SGCZ: variants seen among roughly 807,000 people sequenced by gnomAD.
SGCZ encodes the protein zeta-sarcoglycan.
SGCZ carries 40 observed loss-of-function variants against 41.3 expected under a neutral mutation model. The ratio of observed to expected loss-of-function variants is 0.97; its 90% CI spans 0.75 to 1.26. The LOEUF (loss-of-function observed/expected upper bound fraction) is 1.26. Ranked by LOEUF, SGCZ falls within the 50% of genes most tolerant of loss-of-function variation. The pLI is 0.00. For synonymous variants in SGCZ, 206 were observed against 137.5 expected (o/e 1.50, Z -3.49); for missense variants, 552 against 369.8 (o/e 1.49, Z -4.04).
chr8:14,815,406 A>G (rs1159555188), intron 1 of SGCZ, among the ~76,000 whole-genome samples: 1 of 149,888 alleles, frequency 6.7e-6, no homozygotes, highest in African/African-American at 2.5e-5. Flanking sequence ...CATGTGGTTC[A>G]TAACTACTTA....
chr8:14,098,835 G>A (rs928599644), intron 7 of SGCZ, among the ~76,000 whole-genome samples: 39 of 152,096 alleles, frequency 2.6e-4, no homozygotes, highest in African/African-American at 9.4e-4. Context: ...CATGAGCTAT[G>A]GAGGCCTCAT....
chr8:14,473,869 CAG>C (rs1357790303), intron 2 of SGCZ, among the ~76,000 whole-genome samples: 10 of 148,846 alleles, frequency 6.7e-5, no homozygotes, highest in Admixed American at 2.0e-4. Flanking sequence ...ACTCAGGAGA[CAG>C]AGCTTGCAGT....
At chr8:14,768,936 T>C (rs1361937803) in intron 1 of SGCZ, among the ~76,000 whole-genome samples, 1 of 152,036 alleles carries the variant, frequency 6.6e-6, no homozygotes, top group Non-Finnish European at 1.5e-5. Flanking sequence ...ACTGGCAGCA[T>C]TATAGATCTT....
chr8:14,429,071 T>C (rs143914972), intron 2 of SGCZ, among the ~76,000 whole-genome samples: 6 of 152,342 alleles, frequency 3.9e-5, no homozygotes, highest in African/African-American at 9.6e-5. Flanking sequence ...AACTTGGCAC[T>C]GAAGAAACTT....
chr8:14,309,819 C>T, intron 3 of SGCZ: 2 of 1,372,208 alleles, frequency 1.5e-6, no homozygotes, highest in South Asian at 1.4e-5. Flanking sequence ...AGAGAAGTCT[C>T]ATTCGCCTTT....
intron 5 of SGCZ, among the ~76,000 whole-genome samples, chr8:14,114,398 G>A (rs1218456575): frequency 6.6e-6 from 1 of 151,886 alleles, no homozygotes; most frequent in Non-Finnish European, 1.5e-5. Flanking sequence ...TAGTGAAACA[G>A]GGAAATAACA....
intron 2 of SGCZ, among the ~76,000 whole-genome samples, chr8:14,407,170 G>T (rs750783001): frequency 2.7e-5 from 4 of 146,618 alleles, no homozygotes; most frequent in African/African-American, 7.6e-5. Flanking sequence ...CTGGGTTCAA[G>T]CTATTCTCCT....
rs952028304 is a variant in SGCZ at position 15,237,725 on chromosome 8, GC to G, written c.-103del. 2.7e-5 allele frequency: 34 copies of G among 1,253,924 alleles called. No homozygotes were observed. The African/African-American group carries it at 4.9e-4, about 18-fold the overall frequency. The allele number at this position is 1,253,924 out of a possible 1,614,324, so 77.7% of individuals were successfully genotyped here. A position where few individuals can be genotyped will look rare whatever the true frequency, so the allele number is the denominator to read the frequency against. ...TAAACTCAGCTTTATCCTCCTCCAA[GC>G]CCCGGCAGCTCCTCTCAGTCTCATT... On this transcript the variant is annotated 5_prime_UTR_variant, in exon 1 of 8. It introduces an in-frame stop codon into an upstream open reading frame of the 5' UTR. Transcript: ENST00000382080.
At chr8:15,018,945 G>A (rs762919925) in intron 1 of SGCZ, among the ~76,000 whole-genome samples, 2 of 152,196 alleles carry the variant, frequency 1.3e-5, no homozygotes, top group Non-Finnish European at 2.9e-5. Flanking sequence ...ATCACAGAAG[G>A]TGAAGAGGAA....
intron 2 of SGCZ, among the ~76,000 whole-genome samples, chr8:14,349,924 G>A (rs973112068): frequency 3.9e-5 from 6 of 152,072 alleles, no homozygotes; most frequent in African/African-American, 1.2e-4. Context: ...CAGGAAAGTC[G>A]TGTAGCTTTA....
At chr8:14,487,346 T>A (rs1194389154) in intron 2 of SGCZ, among the ~76,000 whole-genome samples, 3 of 152,204 alleles carry the variant, frequency 2.0e-5, no homozygotes, top group Non-Finnish European at 4.4e-5. Context: ...AAAATAATAA[T>A]ATTTGTAAGC....
In SGCZ at chr8:14,905,799, G is replaced by GA. The variant is rs142079114; in HGVS notation, c.39+331785dup. 2.5e-3 allele frequency among the ~76,000 whole-genome samples: 342 copies of GA among 139,110 alleles called. 2 individuals are homozygous for GA. The highest frequency in any genetic ancestry group is 7.9e-3 in the African/African-American group (300 of 37,792). 91.3% of individuals were successfully genotyped at this position (139,110 alleles called of 152,430 possible). A position where few individuals can be genotyped will look rare whatever the true frequency, so the allele number is the denominator to read the frequency against. Reference sequence around the variant, plus strand: ...TTAAACATTGAATGAGACAAAATAAGAAAAAAAAAAGGTAAATTTAAAACT... The same window carrying GA: ...TTAAACATTGAATGAGACAAAATAAGAAAAAAAAAAAGGTAAATTTAAAACT... On this transcript the variant is annotated intron_variant, in intron 1 of 7. Coordinates refer to ENST00000382080, the MANE Select transcript of SGCZ (RefSeq NM_139167.4).
At chr8:14,849,176 G>A (rs182523703) in intron 1 of SGCZ, among the ~76,000 whole-genome samples, 5 of 151,986 alleles carry the variant, frequency 3.3e-5, no homozygotes, top group South Asian at 2.1e-4. Context: ...TGCTTGTGTC[G>A]ACCAGTGTTA....
At chr8:14,311,836 A>G (rs1801555933) in intron 3 of SGCZ, among the ~76,000 whole-genome samples, 1 of 152,196 alleles carries the variant, frequency 6.6e-6, no homozygotes, top group African/African-American at 2.4e-5. Flanking sequence ...AAAAAGTTTA[A>G]AAATGTCACT....
chr8:14,259,165 T>C (rs1484028359), intron 3 of SGCZ, among the ~76,000 whole-genome samples: 1 of 152,224 alleles, frequency 6.6e-6, no homozygotes, highest in East Asian at 1.9e-4. Flanking sequence ...CAATTTGTTA[T>C]GAAGTTTTCC....
intron 4 of SGCZ, among the ~76,000 whole-genome samples, chr8:14,231,966 A>T (rs1261248802): frequency 6.6e-6 from 1 of 152,036 alleles, no homozygotes; most frequent in Non-Finnish European, 1.5e-5. Flanking sequence ...CTTTAGATAT[A>T]TGTGTATCTT....
At chr8:15,209,131 T>C (rs1184283684) in intron 1 of SGCZ, among the ~76,000 whole-genome samples, 1 of 152,032 alleles carries the variant, frequency 6.6e-6, no homozygotes. Flanking sequence ...TGAAAATGGA[T>C]GATTTAGATT....
intron 1 of SGCZ, among the ~76,000 whole-genome samples, chr8:15,148,253 T>C (rs1799087636): frequency 6.6e-6 from 1 of 152,180 alleles, no homozygotes; most frequent in Non-Finnish European, 1.5e-5. Context: ...TGTGAGTCAA[T>C]ATTGGGGAAA....
intron 3 of SGCZ, among the ~76,000 whole-genome samples, chr8:14,278,954 C>G (rs1800328873): frequency 6.6e-6 from 1 of 152,114 alleles, no homozygotes; most frequent in African/African-American, 2.4e-5. Flanking sequence ...GGCCATGTAT[C>G]TCTCTGAATA....
Sources: gnomAD v4.1 joint callset for allele counts (sites outside exome capture counted in the v4.1 genomes callset) on GRCh38, gnomAD v4.1.1 for gene constraint, MANE v1.5 for transcripts, NCBI Gene and HGNC (gene_info 2026-07-23, HGNC 2026-07-21) for gene names.